The following CEPT1 variants were observed in gnomAD, a reference collection of about 807,000 sequenced individuals.
The protein encoded by CEPT1 is choline/ethanolamine phosphotransferase 1.
Under a neutral mutation model 42.6 loss-of-function variants are expected in CEPT1, and 7 were observed. That is an observed-to-expected ratio of 0.16 (90% CI 0.09 to 0.31). CEPT1 has a LOEUF of 0.31. Among genes scored for constraint, CEPT1 ranks in the 10% least tolerant of loss-of-function variants. CEPT1 has a pLI of 1.00. For missense variants in CEPT1, 306 were observed against 502.1 expected, an observed-to-expected ratio of 0.61 and a Z score of 3.73; for synonymous variants, 171 against 171.9, an observed-to-expected ratio of 0.99 and a Z score of 0.04.
chr1:111,155,445 T>TTGTG (rs57780074), intron 2 of CEPT1, among the ~76,000 whole-genome samples: 2 of 150,316 alleles, frequency 1.3e-5, no homozygotes, highest in Non-Finnish European at 3.0e-5. Flanking sequence ...ATTTTATCAT[T>TTGTG]TGTGTGTGTG....
chr1:111,183,061 G>T, intron 7 of CEPT1, 104 bp downstream of exon 7: 1 of 1,152,112 alleles, frequency 8.7e-7, no homozygotes. Flanking sequence ...CCTAGAGTTT[G>T]CCCTCTTCTA....
At chr1:111,148,996 T>C (rs934943981) in intron 2 of CEPT1, among the ~76,000 whole-genome samples, 7 of 152,200 alleles carry the variant, frequency 4.6e-5, no homozygotes, top group African/African-American at 1.7e-4. Context: ...TGAAGTAATT[T>C]TTTTTAAGTA....
intron 2 of CEPT1, among the ~76,000 whole-genome samples, chr1:111,151,367 C>T (rs1345594700): frequency 6.6e-6 from 1 of 152,176 alleles, no homozygotes; most frequent in Non-Finnish European, 1.5e-5. Flanking sequence ...TGTAATCCAC[C>T]CACCTTGGCC....
rs527961687 is a variant in CEPT1, at chr1:111,148,437, C to T, written c.339+384C>T. On this transcript the variant is annotated intron_variant, in intron 2 of 8. Coordinates refer to ENST00000357172, the MANE Select transcript of CEPT1 (RefSeq NM_006090.5). ...TTAGTATGGCATGACTGTAAACTAG[C>T]CTTATCAAAAGGTTTTTTTTCCATT... Among the ~76,000 whole-genome samples, 130 of 151,216 alleles carry T rather than the reference C, an allele frequency of 8.6e-4. 1 individual carries two copies. The Middle Eastern group carries it at 0.01, about 12-fold the overall frequency.
Position 111,183,076 on chromosome 1 carries a change from G to C in CEPT1, c.1005+119G>C, listed in dbSNP as rs575637034. ...CCTAGAGTTTGCCCTCTTCTAATCA[G>C]AATCTCTTGATATCAACATGGGAAC... On this transcript the variant is annotated intron_variant, in intron 7 of 8. Transcript: ENST00000357172. 1.3e-4 allele frequency: 122 copies of C among 956,646 alleles called. No homozygotes were observed. In the African/African-American group the frequency reaches 1.8e-3, roughly 14 times the overall value. The allele number at this position is 956,646 out of a possible 1,614,324, so 59.3% of individuals were successfully genotyped here.
chr1:111,158,366 AAATT>A (rs1007209479), intron 2 of CEPT1, among the ~76,000 whole-genome samples: 17 of 137,184 alleles, frequency 1.2e-4, no homozygotes, highest in African/African-American at 2.2e-4. Context: ...ATAAATAAAT[AAATT>A]AATTAATTAA....
intron 1 of CEPT1, among the ~76,000 whole-genome samples, chr1:111,145,033 T>TA (rs1028139211): frequency 2.0e-5 from 3 of 151,858 alleles, no homozygotes; most frequent in East Asian, 1.9e-4. Context: ...TTTTTTTTTT[T>TA]AAGACAGAGT....
At chr1:111,155,268 A>G (rs1035647683) in intron 2 of CEPT1, among the ~76,000 whole-genome samples, 1 of 152,120 alleles carries the variant, frequency 6.6e-6, no homozygotes, top group Admixed American at 6.6e-5. Flanking sequence ...GTTGGCATAT[A>G]GTTGTTCATG....
chr1:111,148,664 C>CCTTCTCAGATCCAAGCCTCTTCTTCTA (rs1553235154), intron 2 of CEPT1, among the ~76,000 whole-genome samples: 3 of 152,342 alleles, frequency 2.0e-5, no homozygotes, highest in South Asian at 2.1e-4. Context: ...CTCACACAGG[C>CCTTCTCAGATCCAAGCCTCTTCTTCTA]CTTCTCAGAT....
chr1:111,169,875 C>T (rs77662729), intron 4 of CEPT1, among the ~76,000 whole-genome samples: 3,538 of 152,168 alleles, frequency 0.023, 141 homozygotes, highest in African/African-American at 0.08. Flanking sequence ...AAAAACACTC[C>T]GGTTTCTCTT....
intron 2 of CEPT1, among the ~76,000 whole-genome samples, chr1:111,158,663 T>C (rs1399694089): frequency 6.6e-6 from 1 of 152,180 alleles, no homozygotes; most frequent in Non-Finnish European, 1.5e-5. Context: ...TAACATTGTT[T>C]AGTGTTTAAC....
chr1:111,143,216 C>T (rs999787636), intron 1 of CEPT1, among the ~76,000 whole-genome samples: 1 of 152,200 alleles, frequency 6.6e-6, no homozygotes, highest in Admixed American at 6.5e-5. Flanking sequence ...GGTGATCTCT[C>T]TCGTACCTGA....
intron 4 of CEPT1, among the ~76,000 whole-genome samples, chr1:111,168,570 G>A (rs1050480375): frequency 2.6e-5 from 4 of 151,328 alleles, no homozygotes; most frequent in African/African-American, 7.3e-5. Flanking sequence ...CTCACTGCAA[G>A]CTCCGCCTCC....
At chr1:111,165,054 T>C (rs1378358937) in intron 4 of CEPT1, among the ~76,000 whole-genome samples, 2 of 138,386 alleles carry the variant, frequency 1.4e-5, no homozygotes, top group Non-Finnish European at 3.1e-5. Context: ...CTTTTTTTTT[T>C]TTTTTTTTTT....
In CEPT1 at chr1:111,167,605, C is replaced by G. The variant is rs1656202911; in HGVS notation, c.629+6309C>G. ...ATTCTATATTAATGTAGGAAAGATT[C>G]TGCTTATTCTGTTAACTTCTTTAGC... On this transcript the variant is annotated intron_variant, in intron 4 of 8. Transcript: ENST00000357172. The G allele has an allele frequency of 4.1e-6, 4 of 977,110 alleles. No homozygotes were observed. The South Asian group carries it at 1.9e-4, about 46-fold the overall frequency. 60.5% of individuals were successfully genotyped at this position (977,110 alleles called of 1,614,324 possible).
At chr1:111,153,532 A>G (rs1171828751) in intron 2 of CEPT1, among the ~76,000 whole-genome samples, 37 of 152,102 alleles carry the variant, frequency 2.4e-4, no homozygotes, top group Admixed American at 2.4e-3. Flanking sequence ...CTTAGCCATA[A>G]AATCTTTGCG....
At chr1:111,166,538 C>G (rs1249507335) in intron 4 of CEPT1, among the ~76,000 whole-genome samples, 3 of 152,188 alleles carry the variant, frequency 2.0e-5, no homozygotes, top group African/African-American at 4.8e-5. Context: ...GATTTTTGCT[C>G]TAACCATATC....
chr1:111,167,395 G>T (rs1656193121), intron 4 of CEPT1: 1 of 923,404 alleles, frequency 1.1e-6, no homozygotes, highest in Non-Finnish European at 1.3e-6. Context: ...TTAAAAAGTG[G>T]TATTTCTGGT....
At position 111,184,847 on chromosome 1, in the gene CEPT1, C is replaced by CTTTTTTTTT. The variant is rs34173256; in HGVS notation, c.*551_*559dup. ...CTATCTTTACATTGTTGAGGAAGTCCTTTTTTTTTTTTTTTTTTTTTTAAT... is the reference window on the plus strand; with the variant it reads ...CTATCTTTACATTGTTGAGGAAGTCCTTTTTTTTTTTTTTTTTTTTTTTTTTTTTTTAAT... On this transcript the variant is annotated 3_prime_UTR_variant, in exon 9 of 9. Coordinates refer to ENST00000357172, the MANE Select transcript of CEPT1 (RefSeq NM_006090.5). 1.0e-4 allele frequency: 12 copies of CTTTTTTTTT among 116,470 alleles called. No individual in the cohort carries two copies. The highest frequency in any genetic ancestry group is 1.3e-4 in the African/African-American group (4 of 31,134). The allele number at this position is 116,470 out of a possible 1,614,324, so 7.2% of individuals were successfully genotyped here. A position where few individuals can be genotyped will look rare whatever the true frequency, so the allele number is the denominator to read the frequency against.
Sources: allele counts gnomAD v4.1 joint callset (sites outside exome capture counted in the v4.1 genomes callset), GRCh38; gene constraint gnomAD v4.1.1; transcripts MANE v1.5; gene names NCBI Gene and HGNC (gene_info 2026-07-23, HGNC 2026-07-21).